The following TK1 variants were observed in gnomAD, a reference collection of about 807,000 sequenced individuals.
The protein encoded by TK1 is thymidine kinase, cytosolic.
TK1 carries 13 observed loss-of-function variants against 22.4 expected under a neutral mutation model. That is an observed-to-expected ratio of 0.58 (90% CI 0.38 to 0.92). TK1 has a LOEUF of 0.92. Among genes scored for constraint, TK1 ranks in the 40% least tolerant of loss-of-function variants. The pLI, the probability that TK1 is intolerant of heterozygous loss-of-function variation, is 0.00. For synonymous variants in TK1, 134 were observed against 125.4 expected (o/e 1.07, Z -0.46); for missense variants, 251 against 315.7 (o/e 0.80, Z 1.55).
chr17:78,178,021 C>T (rs113947955), intron 4 of TK1, among the ~76,000 whole-genome samples: 4,689 of 152,134 alleles, frequency 0.031, 216 homozygotes, highest in African/African-American at 0.1. Context: ...CAGGTGTGTG[C>T]CACCACGCTT....
At chr17:78,177,963 C>T (rs1250908207) in intron 4 of TK1, among the ~76,000 whole-genome samples, 1 of 151,918 alleles carries the variant, frequency 6.6e-6, no homozygotes. Flanking sequence ...CTCTGCCTCC[C>T]AGGTTCAAGC....
At chr17:78,185,634 C>T (rs1156775823) in intron 2 of TK1, among the ~76,000 whole-genome samples, 1 of 152,136 alleles carries the variant, frequency 6.6e-6, no homozygotes, top group Non-Finnish European at 1.5e-5. Context: ...AAGAGATTCT[C>T]CTGCCTCAAC....
intron 3 of TK1, among the ~76,000 whole-genome samples, chr17:78,182,963 G>C (rs192571344): frequency 1.1e-3 from 175 of 152,260 alleles, no homozygotes; most frequent in African/African-American, 4.1e-3. Context: ...ATTCTCAAGG[G>C]TCTCAAGCGA....
chr17:78,184,258 CCA>C (rs1203282236), intron 3 of TK1, among the ~76,000 whole-genome samples: 1 of 152,236 alleles, frequency 6.6e-6, no homozygotes, highest in African/African-American at 2.4e-5. Context: ...CCACCGAAGG[CCA>C]CACGCCGGGT....
At chr17:78,183,878 G>A (rs950823157) in intron 3 of TK1, 2 of 152,372 alleles carry the variant, frequency 1.3e-5, no homozygotes, top group South Asian at 2.1e-4. Context: ...GGCCAGCTGT[G>A]GCCCCTGCAA....
intron 5 of TK1, 50 bp from the exon 6 acceptor site, chr17:78,175,219 G>T: frequency 1.3e-6 from 2 of 1,574,992 alleles, no homozygotes; most frequent in African/African-American, 1.4e-5. Flanking sequence ...TACCAGGTGG[G>T]TTTTTCTTTT....
chr17:78,182,476 AT>A (rs2075744589), intron 4 of TK1, 112 bp downstream of exon 4: 1 of 790,604 alleles, frequency 1.3e-6, no homozygotes, highest in Admixed American at 2.9e-5. Context: ...AGTTGTAGCT[AT>A]TTAACCTTGT....
intron 3 of TK1, among the ~76,000 whole-genome samples, chr17:78,184,837 A>G (rs945652044): frequency 6.6e-6 from 1 of 152,080 alleles, no homozygotes; most frequent in Admixed American, 6.6e-5. Flanking sequence ...ACATTGTCAA[A>G]TGGACCCTGG....
chr17:78,186,981 T>C lies in TK1; in HGVS notation c.14A>G (p.Asn5Ser). The C allele has an allele frequency of 6.3e-7, 1 of 1,581,242 alleles. No individual in the cohort carries two copies. The highest frequency in any genetic ancestry group is 8.6e-7 in the Non-Finnish European group (1 of 1,164,064). MSCINLPTVLPGSPS... is the reference protein window; with the variant it reads MSCISLPTVLPGSPS... ...GGAGCCAGGCAGCACAGTGGGCAGGTTAATGCAGCTCATTGCGCCTCCGGG... is the reference window on the plus strand; with the variant it reads ...GGAGCCAGGCAGCACAGTGGGCAGGCTAATGCAGCTCATTGCGCCTCCGGG... Residue 5 changes from asparagine (N) to serine (S), a missense_variant, in exon 1 of 7, where the codon AAC becomes AGC. By Grantham distance (46) the Asn-to-Ser change is conservative. Transcript: ENST00000301634.
chr17:78,179,245 G>A (rs1039357415), intron 4 of TK1: 2 of 985,336 alleles, frequency 2.0e-6, no homozygotes, highest in Admixed American at 1.2e-4. Flanking sequence ...CCCCAAAGCT[G>A]ATGCAAAATC....
At position 78,174,865 on chromosome 17, in the gene TK1, G is replaced by A. The variant is rs777973238; in HGVS notation, c.599C>T (p.Pro200Leu). ...FKKASGQPAG[P>L]DNKENCPVPG... ...CACTGGGCAGTTCTCTTTGTTGTCC[G>A]GCCCGGCAGGCTGGCCTGAGGCCTT... is the stretch of plus-strand genomic sequence containing the variant. The change falls in exon 7 of 7, where the codon CCG (proline) becomes CTG (leucine). Residue 200 changes from proline to leucine, a missense_variant. Physicochemically the swap from Pro to Leu is moderately conservative, Grantham distance 98. Transcript: ENST00000301634. The A allele has an allele frequency of 6.8e-6, 11 of 1,613,666 alleles. No individual in the cohort carries two copies. The highest frequency in any genetic ancestry group is 4.5e-5 in the East Asian group (2 of 44,884).
At chr17:78,175,703 C>G (rs2075694139) in intron 4 of TK1, 85 bp from the exon 5 acceptor site, 1 of 1,232,804 alleles carries the variant, frequency 8.1e-7, no homozygotes, top group Non-Finnish European at 1.2e-6. Context: ...GCTGCCAGAT[C>G]TGACAACTCC....
intron 4 of TK1, among the ~76,000 whole-genome samples, chr17:78,181,200 A>C (rs1048779042): frequency 2.0e-5 from 3 of 152,190 alleles, no homozygotes; most frequent in African/African-American, 7.2e-5. Flanking sequence ...AGCTAAGATC[A>C]CGTCACTCCA....
In TK1 at chr17:78,175,606, C is replaced by T. The variant is rs1132543; in HGVS notation, c.316G>A (p.Val106Met). 2,957 of 1,613,464 alleles carry T rather than the reference C, an allele frequency of 1.8e-3. 6 individuals carry two copies. The highest frequency in any genetic ancestry group is 2.3e-3 in the Non-Finnish European group (2,728 of 1,179,780). The change falls in exon 5 of 7, where the codon GTG becomes ATG. Residue 106 changes from valine (V) to methionine (M), a missense_variant. Val to Met is a conservative substitution (Grantham distance 21). Coordinates refer to ENST00000301634, the MANE Select transcript of TK1 (RefSeq NM_003258.5). ...IDEGQFFPDI[V>M]EFCEAMANAG... ...TTGGCCATGGCCTCGCAGAACTCCA[C>T]GATGTCAGGGAACTGGAAAGGGCAC...
At chr17:78,177,193 C>T (rs571584778) in intron 4 of TK1, among the ~76,000 whole-genome samples, 1 of 152,276 alleles carries the variant, frequency 6.6e-6, no homozygotes, top group African/African-American at 2.4e-5. Context: ...GTGCCAGACC[C>T]TAACTTTTCC....
At position 78,175,625 on chromosome 17, in the gene TK1, A is replaced by C; in HGVS notation, c.304-7T>G. 1.2e-6 allele frequency: 2 copies of C among 1,612,678 alleles called. No individual in the cohort carries two copies. The highest frequency in any genetic ancestry group is 1.7e-6 in the Non-Finnish European group (2 of 1,179,480). ...ACTCCACGATGTCAGGGAACTGGAAAGGGCACGTGGAGAAAGAGTGTGAGA... is the reference window on the plus strand; with the variant it reads ...ACTCCACGATGTCAGGGAACTGGAACGGGCACGTGGAGAAAGAGTGTGAGA... On this transcript the variant is annotated splice_polypyrimidine_tract_variant and splice_region_variant and intron_variant, in intron 4 of 6. Coordinates refer to ENST00000301634, the MANE Select transcript of TK1 (RefSeq NM_003258.5).
intron 4 of TK1, among the ~76,000 whole-genome samples, chr17:78,179,016 CAG>C (rs774534434): frequency 2.0e-5 from 3 of 152,066 alleles, no homozygotes; most frequent in African/African-American, 7.2e-5. Flanking sequence ...ATAGGCTGAA[CAG>C]GGGACAGGAC....
intron 4 of TK1, among the ~76,000 whole-genome samples, chr17:78,177,605 G>A (rs1351096064): frequency 1.3e-5 from 2 of 148,938 alleles, no homozygotes; most frequent in Admixed American, 6.7e-5. Flanking sequence ...ACGGAGTCTC[G>A]CTCTGTCGCC....
chr17:78,175,313 G>A (rs1041760168), intron 5 of TK1, 144 bp from the exon 6 acceptor site: 60 of 1,283,888 alleles, frequency 4.7e-5, no homozygotes, highest in East Asian at 2.1e-4. Flanking sequence ...CACCATGCCC[G>A]GCTCTGTCCC....
Sources: allele counts gnomAD v4.1 joint callset (sites outside exome capture counted in the v4.1 genomes callset), GRCh38; gene constraint gnomAD v4.1.1; transcripts MANE v1.5; gene names NCBI Gene and HGNC (gene_info 2026-07-23, HGNC 2026-07-21).